Variants in CNTNAP2 observed in about 807,000 individuals in gnomAD.
The protein encoded by CNTNAP2 is contactin-associated protein-like 2.
Under a neutral mutation model 155.2 loss-of-function variants are expected in CNTNAP2, and 98 were observed. The observed-to-expected ratio is 0.63, with a 90% CI of 0.54 to 0.75. The LOEUF (loss-of-function observed/expected upper bound fraction) is 0.75, where lower values mean the gene tolerates loss of function less well. Among genes scored for constraint, CNTNAP2 ranks in the 30% least tolerant of loss-of-function variants. CNTNAP2 has a pLI of 0.00. For synonymous variants in CNTNAP2, 651 were observed against 631.2 expected (o/e 1.03, Z -0.47); for missense variants, 1,727 against 1,688.1 (o/e 1.02, Z -0.40).
intron 1 of CNTNAP2, among the ~76,000 whole-genome samples, chr7:146,492,221 G>A (rs537010104): frequency 5.3e-4 from 78 of 145,954 alleles, no homozygotes; most frequent in Non-Finnish European, 9.9e-4. Flanking sequence ...AGAAGAGGGG[G>A]GCAGGAGGAG....
chr7:146,286,320 T>C (rs933199937), intron 1 of CNTNAP2, among the ~76,000 whole-genome samples: 3 of 151,912 alleles, frequency 2.0e-5, no homozygotes, highest in Non-Finnish European at 2.9e-5. Flanking sequence ...TGATGTTTCA[T>C]TGATTGTACA....
chr7:147,092,758 T>TACAAAAA (rs1800433342), intron 4 of CNTNAP2, among the ~76,000 whole-genome samples: 1 of 152,216 alleles, frequency 6.6e-6, no homozygotes, highest in African/African-American at 2.4e-5. Flanking sequence ...TACATACCTC[T>TACAAAAA]GTACTACAAA....
chr7:147,462,993 T>C (rs1798051486), intron 10 of CNTNAP2, among the ~76,000 whole-genome samples: 1 of 152,250 alleles, frequency 6.6e-6, no homozygotes, highest in Admixed American at 6.5e-5. Context: ...ATTAACACAT[T>C]ATTAAATGGG....
intron 1 of CNTNAP2, among the ~76,000 whole-genome samples, chr7:146,385,647 G>A (rs778632723): frequency 2.0e-5 from 3 of 152,132 alleles, no homozygotes; most frequent in Non-Finnish European, 2.9e-5. Flanking sequence ...GGATACTCTT[G>A]CTTTTCTGCT....
At chr7:147,272,636 C>G (rs962968920) in intron 8 of CNTNAP2, among the ~76,000 whole-genome samples, 2 of 151,528 alleles carry the variant, frequency 1.3e-5, no homozygotes, top group Admixed American at 6.6e-5. Flanking sequence ...GTAGCTGGGA[C>G]TACAGGCGCC....
chr7:146,917,520 A>T (rs148934998), intron 3 of CNTNAP2, among the ~76,000 whole-genome samples: 2,150 of 152,158 alleles, frequency 0.014, 122 homozygotes, highest in Admixed American at 0.11. Context: ...TAGGATTATG[A>T]TATTTTCCTG....
At position 147,560,168 on chromosome 7, in the gene CNTNAP2, CAAAAAA is replaced by C. The variant is rs71183016; in HGVS notation, c.1778-1952_1778-1947del. On this transcript the variant is annotated intron_variant, in intron 11 of 23. Coordinates refer to ENST00000361727, the MANE Select transcript of CNTNAP2 (RefSeq NM_014141.6). ...GGGCAACAAGAACGAAACTCCGTCTCAAAAAAAAAAAAAAAAAAAAAAATTGAATCA... is the reference window on the plus strand; with the variant it reads ...GGGCAACAAGAACGAAACTCCGTCTCAAAAAAAAAAAAAAAAATTGAATCA... 9.3e-4 allele frequency among the ~76,000 whole-genome samples: 49 copies of C among 52,828 alleles called. 2 individuals are homozygous for C. The highest frequency in any genetic ancestry group is 2.8e-3 in the African/African-American group (40 of 14,292). The allele number at this position is 52,828 out of a possible 152,430, so 34.7% of individuals were successfully genotyped here.
intron 4 of CNTNAP2, among the ~76,000 whole-genome samples, chr7:147,103,771 G>T: frequency 6.6e-6 from 1 of 151,348 alleles, no homozygotes; most frequent in Admixed American, 6.6e-5. Flanking sequence ...GTATATATTT[G>T]AGATATATGA....
chr7:146,283,755 G>T (rs1184966178), intron 1 of CNTNAP2, among the ~76,000 whole-genome samples: 1 of 152,088 alleles, frequency 6.6e-6, no homozygotes, highest in Non-Finnish European at 1.5e-5. Flanking sequence ...GATAGACACT[G>T]GTGTTTCCAC....
At chr7:146,854,408 A>G (rs1375432355) in intron 3 of CNTNAP2, among the ~76,000 whole-genome samples, 2 of 152,222 alleles carry the variant, frequency 1.3e-5, no homozygotes, top group Non-Finnish European at 2.9e-5. Context: ...GACAAGTTGT[A>G]AAAACAAATT....
intron 4 of CNTNAP2, among the ~76,000 whole-genome samples, chr7:147,091,589 C>A (rs868809674): frequency 6.0e-5 from 9 of 150,400 alleles, no homozygotes; most frequent in East Asian, 4.0e-4. Flanking sequence ...GTAGCTGGGA[C>A]TACAGGTGCG....
intron 17 of CNTNAP2, among the ~76,000 whole-genome samples, chr7:148,166,805 G>A (rs78526999): frequency 2.0e-3 from 306 of 152,280 alleles, no homozygotes; most frequent in African/African-American, 7.0e-3. Context: ...GTTAAGTAGC[G>A]TTTTTGCTTG....
chr7:146,707,369 A>C (rs972098955), intron 1 of CNTNAP2, among the ~76,000 whole-genome samples: 1 of 152,186 alleles, frequency 6.6e-6, no homozygotes, highest in African/African-American at 2.4e-5. Flanking sequence ...ATTATAATAC[A>C]GTGCCTTACT....
chr7:147,876,164 G>T (rs1043410083), intron 13 of CNTNAP2, among the ~76,000 whole-genome samples: 1 of 152,104 alleles, frequency 6.6e-6, no homozygotes, highest in Non-Finnish European at 1.5e-5. Flanking sequence ...CTTCGAATGC[G>T]TGAGTGTCTC....
At chr7:147,733,540 T>C (rs1023599723) in intron 13 of CNTNAP2, among the ~76,000 whole-genome samples, 6 of 152,226 alleles carry the variant, frequency 3.9e-5, no homozygotes, top group African/African-American at 1.4e-4. Context: ...AAGTAGTTTT[T>C]TCCAATTCTG....
intron 4 of CNTNAP2, among the ~76,000 whole-genome samples, chr7:147,091,415 T>C (rs1003678474): frequency 1.2e-4 from 19 of 152,090 alleles, no homozygotes; most frequent in African/African-American, 4.3e-4. Context: ...GTGCTATGAT[T>C]CTAAGTTTAT....
In CNTNAP2 at chr7:147,639,236, T is replaced by A; in HGVS notation, c.2028T>A (p.Thr676=). 6.2e-7 allele frequency: 1 copy of A among 1,614,150 alleles called. No individual in the cohort carries two copies. Among genetic ancestry groups the A allele is most frequent in the Admixed American group, 1.7e-5 (1 of 60,018 alleles). Reference sequence around the variant, plus strand: ...CCATGGACCAGATAAGTGCCATCACTGACAGTGCCGAGTACTGCGAGCAGT... The same window carrying A: ...CCATGGACCAGATAAGTGCCATCACAGACAGTGCCGAGTACTGCGAGCAGT... ...SASMDQISAI[T]DSAEYCEQYV... Residue 676 remains threonine (T), a synonymous_variant, in exon 13 of 24, where the codon ACT becomes ACA. Coordinates refer to ENST00000361727, the MANE Select transcript of CNTNAP2 (RefSeq NM_014141.6).
chr7:147,354,037 T>C (rs556728119), intron 9 of CNTNAP2, among the ~76,000 whole-genome samples: 1 of 152,134 alleles, frequency 6.6e-6, no homozygotes, highest in African/African-American at 2.4e-5. Context: ...GGATATTAGC[T>C]CTTTATCATA....
rs187581309 is a variant in CNTNAP2, at chr7:146,212,326, A to G, written c.97+95353A>G. Among the ~76,000 whole-genome samples the G allele has an allele frequency of 9.9e-4, 150 of 152,238 alleles. 1 individual carries two copies. The highest frequency in any genetic ancestry group is 1.7e-3 in the Non-Finnish European group (116 of 68,008). ...TGGATGGAAGACGTAGCATTCACCA[A>G]TGGTCCAGGGGATGCTAAAAACAAC... On this transcript the variant is annotated intron_variant, in intron 1 of 23. Coordinates refer to ENST00000361727, the MANE Select transcript of CNTNAP2 (RefSeq NM_014141.6).
Sources: allele counts gnomAD v4.1 joint callset (sites outside exome capture counted in the v4.1 genomes callset), GRCh38; gene constraint gnomAD v4.1.1; transcripts MANE v1.5; gene names NCBI Gene and HGNC (gene_info 2026-07-23, HGNC 2026-07-21).